OTOGL: variants seen among roughly 807,000 people sequenced by gnomAD.
The protein encoded by OTOGL is otogelin-like protein.
A neutral mutation model predicts 318.5 loss-of-function variants in OTOGL; 285 were observed. The ratio of observed to expected loss-of-function variants is 0.89; its 90% CI spans 0.81 to 0.99. The LOEUF (loss-of-function observed/expected upper bound fraction) is 0.99, where lower values mean the gene tolerates loss of function less well. OTOGL is among the 50% of genes least tolerant of loss of function. OTOGL has a pLI of 0.00. For missense variants in OTOGL, 2,899 were observed against 2,845.6 expected (o/e 1.02, Z -0.43); for synonymous variants, 987 against 936.5 (o/e 1.05, Z -0.99).
chr12:80,219,121 GT>G (rs1565906262), intron 5 of OTOGL, among the ~76,000 whole-genome samples: 1 of 149,356 alleles, frequency 6.7e-6, no homozygotes, highest in Non-Finnish European at 1.5e-5. Flanking sequence ...TTCTTTTTTT[GT>G]TGTTGTTGAG....
intron 1 of OTOGL, among the ~76,000 whole-genome samples, chr12:80,202,082 A>G (rs560469301): frequency 6.6e-6 from 1 of 152,050 alleles, no homozygotes; most frequent in Non-Finnish European, 1.5e-5. Flanking sequence ...GACTCCCACC[A>G]ATAGAGCACT....
chr12:80,190,485 C>G (rs1273546226), intron 1 of OTOGL, among the ~76,000 whole-genome samples: 1 of 151,780 alleles, frequency 6.6e-6, no homozygotes, highest in East Asian at 1.9e-4. Context: ...ACACTGACAT[C>G]TCAGTTTAAG....
At position 80,186,464 on chromosome 12, in the gene OTOGL, A is replaced by G. The variant is rs188837816; in HGVS notation, c.-19-22949A>G. On this transcript the variant is annotated intron_variant, in intron 1 of 58. Transcript: ENST00000547103. ...TCTGCTCTTTGGTCTCCCTGTTTCAATCTCTCTAATGCATCCCTAACACAT... is the reference window on the plus strand; with the variant it reads ...TCTGCTCTTTGGTCTCCCTGTTTCAGTCTCTCTAATGCATCCCTAACACAT... Among the ~76,000 whole-genome samples the G allele has an allele frequency of 2.4e-3, 369 of 152,150 alleles. 2 individuals carry two copies. The highest frequency in any genetic ancestry group is 4.2e-3 in the Non-Finnish European group (285 of 68,016).
chr12:80,370,455 G>A, intron 55 of OTOGL, 115 bp from the exon 56 acceptor site: 5 of 845,824 alleles, frequency 5.9e-6, no homozygotes, highest in Non-Finnish European at 8.4e-6. Flanking sequence ...AACATTTTGT[G>A]TCACAAGAAG....
rs1420254664 is a variant in OTOGL at position 80,380,065 on chromosome 12, C to G, written c.*2017C>G. 1.3e-5 allele frequency: 2 copies of G among 151,988 alleles called. No individual in the cohort carries two copies. The highest frequency in any genetic ancestry group is 4.8e-5 in the African/African-American group (2 of 41,426). 9.4% of individuals were successfully genotyped at this position (151,988 alleles called of 1,614,324 possible). A position where few individuals can be genotyped will look rare whatever the true frequency, so the allele number is the denominator to read the frequency against. ...TAGCTCTTAATAAATGGTGTTGGGA[C>G]AACTGAATGGTTACGTAGATAAAGA... On this transcript the variant is annotated 3_prime_UTR_variant, in exon 59 of 59. Transcript: ENST00000547103.
intron 53 of OTOGL, 129 bp from the exon 54 acceptor site, chr12:80,367,432 A>G: frequency 1.7e-6 from 1 of 588,330 alleles, no homozygotes; most frequent in Admixed American, 3.8e-5. Context: ...CGTAAATATG[A>G]AGATCTTCAT....
At chr12:80,190,575 C>T (rs1174353125) in intron 1 of OTOGL, among the ~76,000 whole-genome samples, 1 of 151,882 alleles carries the variant, frequency 6.6e-6, no homozygotes, top group Non-Finnish European at 1.5e-5. Context: ...ATCACGAGGT[C>T]AGGAGATCGA....
rs150892856 is a variant in OTOGL, at chr12:80,205,293, T to C, written c.-19-4120T>C. Among the ~76,000 whole-genome samples, 917 of 152,294 alleles carry C rather than the reference T, an allele frequency of 6.0e-3. 31 individuals carry two copies. The highest frequency in any genetic ancestry group is 1.4e-3 in the Non-Finnish European group (98 of 68,024). On this transcript the variant is annotated intron_variant, in intron 1 of 58. Coordinates refer to ENST00000547103, the MANE Select transcript of OTOGL (RefSeq NM_001378609.3). ...CTAAAATGTTGACAAGAGAAAACTT[T>C]AGTTGAAGAAACATTACTTCTTTCA...
intron 1 of OTOGL, among the ~76,000 whole-genome samples, chr12:80,111,522 T>G (rs1869836534): frequency 6.6e-6 from 1 of 152,216 alleles, no homozygotes; most frequent in African/African-American, 2.4e-5. Context: ...CCCCATTGCT[T>G]GTTTTTGTCA....
At chr12:80,116,413 G>C (rs767424475) in intron 1 of OTOGL, among the ~76,000 whole-genome samples, 33 of 152,042 alleles carry the variant, frequency 2.2e-4, no homozygotes, top group Non-Finnish European at 4.1e-4. Context: ...AGATGAACTG[G>C]GTACCTCAGT....
At chr12:80,244,129 G>A (rs1028216746) in intron 11 of OTOGL, among the ~76,000 whole-genome samples, 18 of 150,632 alleles carry the variant, frequency 1.2e-4, no homozygotes, top group Non-Finnish European at 2.5e-4. Flanking sequence ...TGGTATCTAA[G>A]AAGCTATGGA....
intron 1 of OTOGL, among the ~76,000 whole-genome samples, chr12:80,173,944 G>A (rs1874368817): frequency 6.6e-6 from 1 of 152,178 alleles, no homozygotes; most frequent in Non-Finnish European, 1.5e-5. Flanking sequence ...GACAGAAGGT[G>A]TTATCTGGAA....
chr12:80,324,701 G>A (rs1887566913), intron 35 of OTOGL, among the ~76,000 whole-genome samples: 1 of 152,144 alleles, frequency 6.6e-6, no homozygotes, highest in Non-Finnish European at 1.5e-5. Flanking sequence ...TTGGTGGCCC[G>A]AGAGGTTATG....
In OTOGL at chr12:80,243,582, A is replaced by G. The variant is rs568338187; in HGVS notation, c.1052+4143A>G. Among the ~76,000 whole-genome samples the G allele has an allele frequency of 2.6e-5, 4 of 151,792 alleles. No individual in the cohort carries two copies. In the South Asian group the frequency reaches 8.3e-4, roughly 32 times the overall value. On this transcript the variant is annotated intron_variant, in intron 11 of 58. Transcript: ENST00000547103. ...ATTTCCTCCTCCTCTTGAGTTTTCC[A>G]AATTACGTGTGATATTGGAGCAAAA...
intron 32 of OTOGL, among the ~76,000 whole-genome samples, chr12:80,316,586 A>T (rs945610086): frequency 6.6e-6 from 1 of 152,196 alleles, no homozygotes; most frequent in African/African-American, 2.4e-5. Flanking sequence ...TCAGAGCATG[A>T]ACATGGGGCA....
At chr12:80,336,630 T>G in intron 40 of OTOGL, 75 bp downstream of exon 40, 1 of 1,500,862 alleles carries the variant, frequency 6.7e-7, no homozygotes, top group Non-Finnish European at 9.1e-7. Flanking sequence ...TCAGGGATTC[T>G]CACAGGAGGA....
chr12:80,242,800 C>T (rs1314697426), intron 11 of OTOGL, among the ~76,000 whole-genome samples: 3 of 151,994 alleles, frequency 2.0e-5, no homozygotes, highest in Non-Finnish European at 4.4e-5. Context: ...GACACAACGC[C>T]CTAAATTCAA....
intron 1 of OTOGL, among the ~76,000 whole-genome samples, chr12:80,115,774 A>G (rs988332460): frequency 1.3e-5 from 2 of 152,140 alleles, no homozygotes; most frequent in Non-Finnish European, 2.9e-5. Context: ...TAGAGAGGCA[A>G]TCTATCTACC....
At chr12:80,233,827 A>T (rs1879595785) in intron 9 of OTOGL, among the ~76,000 whole-genome samples, 1 of 152,224 alleles carries the variant, frequency 6.6e-6, no homozygotes, top group Non-Finnish European at 1.5e-5. Context: ...TTCAACTTTT[A>T]TAAGTTCTGT....
Sources: allele counts gnomAD v4.1 joint callset (sites outside exome capture counted in the v4.1 genomes callset), GRCh38; gene constraint gnomAD v4.1.1; transcripts MANE v1.5; gene names NCBI Gene and HGNC (gene_info 2026-07-23, HGNC 2026-07-21).